Variants in TSHZ2 observed in about 807,000 individuals in gnomAD.
TSHZ2 encodes the protein teashirt zinc finger homeobox 2.
A neutral mutation model predicts 74.4 loss-of-function variants in TSHZ2; 21 were observed. The ratio of observed to expected loss-of-function variants is 0.28; its 90% CI spans 0.20 to 0.41. TSHZ2 has a LOEUF of 0.41. Ranked by LOEUF, TSHZ2 falls within the 10% of genes least tolerant of loss-of-function variation. TSHZ2 has a pLI of 1.00. For missense variants in TSHZ2, 1,244 were observed against 1,293.5 expected (o/e 0.96, Z 0.59); for synonymous variants, 540 against 515.3 (o/e 1.05, Z -0.65).
intron 1 of TSHZ2, among the ~76,000 whole-genome samples, chr20:53,188,216 GGGGGAGGGGA>G (rs1486598238): frequency 6.6e-6 from 1 of 152,178 alleles, no homozygotes; most frequent in Non-Finnish European, 1.5e-5. Flanking sequence ...CCTTCTTTAA[GGGGGAGGGGA>G]GGGCCAGCCA....
chr20:53,304,935 G>T (rs1978463387), intron 2 of TSHZ2, among the ~76,000 whole-genome samples: 1 of 136,178 alleles, frequency 7.3e-6, no homozygotes. Flanking sequence ...CGGCCTTAAT[G>T]AACTTTTTTT....
At chr20:53,280,268 C>A (rs1031348658) in intron 2 of TSHZ2, among the ~76,000 whole-genome samples, 1 of 152,304 alleles carries the variant, frequency 6.6e-6, no homozygotes, top group South Asian at 2.1e-4. Context: ...ACCATTAACA[C>A]AGCCACATAA....
intron 2 of TSHZ2, among the ~76,000 whole-genome samples, chr20:53,308,954 G>A (rs1311714709): frequency 6.6e-6 from 1 of 152,196 alleles, no homozygotes; most frequent in African/African-American, 2.4e-5. Context: ...TTGGGGAAGA[G>A]GGCTGCGGTT....
chr20:53,160,744 C>CAAAAAAAAAAAAAAAAAAAAA (rs1762991150), intron 1 of TSHZ2, among the ~76,000 whole-genome samples: 3 of 69,096 alleles, frequency 4.3e-5, no homozygotes, highest in African/African-American at 2.8e-4. Flanking sequence ...GACTCTGTCT[C>CAAAAAAAAAAAAAAAAAAAAA]CAAAAAAAAA....
intron 1 of TSHZ2, among the ~76,000 whole-genome samples, chr20:52,973,739 C>T (rs1490716518): frequency 6.6e-6 from 1 of 152,178 alleles, no homozygotes; most frequent in Non-Finnish European, 1.5e-5. Context: ...GATAGCGTCT[C>T]CTCTCACTGG....
chr20:53,295,767 G>A (rs752126801), intron 2 of TSHZ2, among the ~76,000 whole-genome samples: 6 of 152,116 alleles, frequency 3.9e-5, no homozygotes, highest in Non-Finnish European at 8.8e-5. Context: ...CTCTTTGTTG[G>A]GACAAGAGGT....
chr20:53,447,055 A>G (rs1984580513), intron 2 of TSHZ2, among the ~76,000 whole-genome samples: 1 of 152,002 alleles, frequency 6.6e-6, no homozygotes, highest in Non-Finnish European at 1.5e-5. Context: ...TCCCTTTTTC[A>G]CTCCATCACC....
chr20:53,071,924 C>A (rs572925150), intron 1 of TSHZ2, among the ~76,000 whole-genome samples: 85 of 152,282 alleles, frequency 5.6e-4, no homozygotes, highest in African/African-American at 2.0e-3. Flanking sequence ...AGCTCCCCAA[C>A]CCAGGCCGGC....
chr20:52,999,968 A>G lies in TSHZ2; in HGVS notation c.40+26635A>G, dbSNP rs186731404. On this transcript the variant is annotated intron_variant, in intron 1 of 2. Coordinates refer to ENST00000371497, the MANE Select transcript of TSHZ2 (RefSeq NM_173485.6). ...GGTGACGATGATGATGGTAATGAAA[A>G]CAACAGCTAATATTTATTGAGTAAT... Among the ~76,000 whole-genome samples, 12 of 152,288 alleles carry G rather than the reference A, an allele frequency of 7.9e-5. No individual in the cohort carries two copies. In the East Asian group the frequency reaches 2.3e-3, roughly 29 times the overall value.
chr20:53,281,563 G>T (rs1418543336), intron 2 of TSHZ2, among the ~76,000 whole-genome samples: 4 of 152,152 alleles, frequency 2.6e-5, no homozygotes, highest in African/African-American at 9.7e-5. Context: ...TAAGTGGAGG[G>T]CCAGATTTGG....
intron 1 of TSHZ2, among the ~76,000 whole-genome samples, chr20:53,156,948 T>TA (rs1417800962): frequency 6.6e-6 from 1 of 152,194 alleles, no homozygotes; most frequent in Non-Finnish European, 1.5e-5. Flanking sequence ...TAAGAGAAGT[T>TA]AAGCAAGAAG....
rs1981190610 is a variant in TSHZ2, at chr20:52,973,168, C to T, written c.-126C>T. The T allele has an allele frequency of 1.6e-6, 2 of 1,251,410 alleles. No homozygotes were observed. The highest frequency in any genetic ancestry group is 2.2e-6 in the Non-Finnish European group (2 of 892,768). The allele number at this position is 1,251,410 out of a possible 1,614,324, so 77.5% of individuals were successfully genotyped here. On this transcript the variant is annotated 5_prime_UTR_variant, in exon 1 of 3. Coordinates refer to ENST00000371497, the MANE Select transcript of TSHZ2 (RefSeq NM_173485.6). ...GGGGGGATCGTCAGGGGGACAGAGG[C>T]CGAGTGACGTCCTAGGAGCCACCGG...
Position 53,254,849 on chromosome 20 carries a change from G to A in TSHZ2, c.1391G>A (p.Ser464Asn), listed in dbSNP as rs1990428839. Residue 464 changes from serine to asparagine, a missense_variant, in exon 2 of 3, where the codon AGT (serine) becomes AAT (asparagine). Ser to Asn is a conservative substitution (Grantham distance 46). This residue lies in a region of TSHZ2 where 562 missense variants were observed against 544.0 expected (regional missense o/e 1.03). Coordinates refer to ENST00000371497, the MANE Select transcript of TSHZ2 (RefSeq NM_173485.6). The stretch of plus-strand genomic sequence containing the variant: ...TCTACAACTGAGTTAAAGAAAGAGA[G>A]TAAAAAAGAAAGGCCAGAGGAAACC... Reference protein sequence around the residue: ...TASTTELKKESKKERPEETSK... With the variant: ...TASTTELKKENKKERPEETSK... 6.8e-6 allele frequency: 11 copies of A among 1,614,048 alleles called. No homozygotes were observed. In the East Asian group the frequency reaches 2.5e-4, roughly 36 times the overall value.
chr20:53,095,846 C>T (rs1356457490), intron 1 of TSHZ2, among the ~76,000 whole-genome samples: 3 of 152,060 alleles, frequency 2.0e-5, no homozygotes, highest in Non-Finnish European at 2.9e-5. Context: ...CCTACTGTTA[C>T]AAGTGGAAAG....
chr20:53,079,419 T>A (rs993007926), intron 1 of TSHZ2, among the ~76,000 whole-genome samples: 2 of 152,220 alleles, frequency 1.3e-5, no homozygotes, highest in Non-Finnish European at 2.9e-5. Context: ...ATGTTCACAC[T>A]GGAAGAGGTT....
intron 1 of TSHZ2, among the ~76,000 whole-genome samples, chr20:53,120,786 C>T (rs1600700491): frequency 6.6e-6 from 1 of 152,310 alleles, no homozygotes; most frequent in Middle Eastern, 3.4e-3. Context: ...CATTCAAACA[C>T]ATTTGTATTT....
intron 1 of TSHZ2, among the ~76,000 whole-genome samples, chr20:53,136,698 T>C (rs1987253654): frequency 3.9e-5 from 6 of 152,302 alleles, no homozygotes. Flanking sequence ...TTTCACTCAG[T>C]AGTTTAGATA....
At chr20:53,227,612 AT>A (rs994786230) in intron 1 of TSHZ2, among the ~76,000 whole-genome samples, 7 of 151,890 alleles carry the variant, frequency 4.6e-5, no homozygotes, top group Non-Finnish European at 8.8e-5. Flanking sequence ...CTGAAGGGTA[AT>A]TTTTTTTAGT....
intron 1 of TSHZ2, among the ~76,000 whole-genome samples, chr20:53,226,612 C>T (rs1450794665): frequency 6.6e-6 from 1 of 152,128 alleles, no homozygotes; most frequent in Non-Finnish European, 1.5e-5. Flanking sequence ...ACCATATTAA[C>T]AAGGGTATTA....
Sources: allele counts gnomAD v4.1 joint callset (sites outside exome capture counted in the v4.1 genomes callset), GRCh38; gene constraint gnomAD v4.1.1; regional missense constraint gnomAD v4.1.1; transcripts MANE v1.5; gene names NCBI Gene and HGNC (gene_info 2026-07-23, HGNC 2026-07-21).